The following AP3B1 variants were observed in gnomAD, a reference collection of about 807,000 sequenced individuals.
The protein encoded by AP3B1 is AP-3 complex subunit beta-1.
In AP3B1, 61 loss-of-function variants were observed where a neutral mutation model predicts 132.5. That is an observed-to-expected ratio of 0.46 (90% confidence interval 0.37 to 0.57). AP3B1 has a LOEUF of 0.57. Ranked by LOEUF, AP3B1 falls within the 20% of genes least tolerant of loss-of-function variation. The pLI is 0.00. For synonymous variants in AP3B1, 388 were observed against 438.3 expected, an observed-to-expected ratio of 0.89 and a Z score of 1.43; for missense variants, 1,120 against 1,289.4, an observed-to-expected ratio of 0.87 and a Z score of 2.01.
chr5:78,286,077 T>C (rs1222016633), intron 1 of AP3B1, among the ~76,000 whole-genome samples: 1 of 152,202 alleles, frequency 6.6e-6, no homozygotes, highest in Non-Finnish European at 1.5e-5. Context: ...TACAAGGCCC[T>C]ACACAATCAG....
chr5:78,027,742 T>C (rs1322758733), intron 24 of AP3B1, among the ~76,000 whole-genome samples: 1 of 152,234 alleles, frequency 6.6e-6, no homozygotes, highest in Non-Finnish European at 1.5e-5. Flanking sequence ...CCAGGTTTTT[T>C]TCTCTCTACA....
At chr5:78,037,620 G>C (rs1042814142) in intron 23 of AP3B1, among the ~76,000 whole-genome samples, 4 of 152,092 alleles carry the variant, frequency 2.6e-5, no homozygotes, top group African/African-American at 7.2e-5. Flanking sequence ...AACCAGAGGA[G>C]AAAATTCAGC....
At chr5:78,193,742 T>TATATATATATATATATATA (rs1561469413) in intron 7 of AP3B1, among the ~76,000 whole-genome samples, 5 of 90,800 alleles carry the variant, frequency 5.5e-5, no homozygotes, top group Admixed American at 1.3e-4. Context: ...GTATATATTT[T>TATATATATATATATATATA]TTTATATATA....
chr5:78,089,292 T>C lies in AP3B1; in HGVS notation c.2577+101A>G, dbSNP rs191953827. 1,730 of 864,398 alleles carry C rather than the reference T, an allele frequency of 2.0e-3. 2 individuals are homozygous for C. The highest frequency in any genetic ancestry group is 2.6e-3 in the Non-Finnish European group (1,386 of 528,442). 53.5% of individuals were successfully genotyped at this position (864,398 alleles called of 1,614,324 possible). ...TTGGGCTTGTTCTTAGAGAAGAATC[T>C]GTTCAAAACTAAGAATCCACTTCAA... is the stretch of plus-strand genomic sequence containing the variant. On this transcript the variant is annotated intron_variant, in intron 22 of 26. Coordinates refer to ENST00000255194, the MANE Select transcript of AP3B1 (RefSeq NM_003664.5).
At chr5:78,139,487 G>A (rs2112323365) in intron 15 of AP3B1, among the ~76,000 whole-genome samples, 1 of 152,246 alleles carries the variant, frequency 6.6e-6, no homozygotes, top group South Asian at 2.1e-4. Flanking sequence ...AGGATTAACT[G>A]ATTCCTTTTA....
In AP3B1 at chr5:78,002,990, G is replaced by C. The variant is rs764100439; in HGVS notation, c.3197C>G (p.Ser1066Cys). 1.9e-6 allele frequency: 3 copies of C among 1,614,054 alleles called. No individual in the cohort carries two copies. Among genetic ancestry groups the C allele is most frequent in the African/African-American group, 1.3e-5 (1 of 74,920 alleles). ...AGTGTTTATGATAAGCTGGGCTGTAGAGCCTTCCTTCAGTTCCACTGTGAC... is the reference window on the plus strand; with the variant it reads ...AGTGTTTATGATAAGCTGGGCTGTACAGCCTTCCTTCAGTTCCACTGTGAC... ...MLVTVELKEG[S>C]TAQLIINTEK... is the part of the protein sequence containing the mutation. Residue 1066 changes from serine (S) to cysteine (C), a missense_variant, in exon 27 of 27, where the codon TCT becomes TGT. Physicochemically the swap from Ser to Cys is moderately radical, Grantham distance 112 (BLOSUM62 -1). Around this residue, in one of 3 missense-constraint regions of AP3B1, gnomAD observed 906 missense variants for 997.1 expected, o/e 0.91. Coordinates refer to ENST00000255194, the MANE Select transcript of AP3B1 (RefSeq NM_003664.5).
At chr5:78,207,753 CT>C (rs1312072051) in intron 7 of AP3B1, among the ~76,000 whole-genome samples, 12 of 152,122 alleles carry the variant, frequency 7.9e-5, no homozygotes, top group African/African-American at 2.9e-4. Context: ...AAATCTTTGG[CT>C]ATCTTCAGAT....
At chr5:78,036,150 T>C (rs1292759061) in intron 23 of AP3B1, among the ~76,000 whole-genome samples, 3 of 152,128 alleles carry the variant, frequency 2.0e-5, no homozygotes, top group African/African-American at 7.2e-5. Flanking sequence ...TTTGATACTG[T>C]CTTCAGTCTT....
intron 26 of AP3B1, among the ~76,000 whole-genome samples, chr5:78,004,870 AAC>A (rs1561347789): frequency 6.6e-6 from 1 of 152,250 alleles, no homozygotes; most frequent in Non-Finnish European, 1.5e-5. Flanking sequence ...TAAACCTCTT[AAC>A]ACACACATCC....
intron 11 of AP3B1, among the ~76,000 whole-genome samples, chr5:78,168,136 T>C (rs745787545): frequency 6.6e-6 from 1 of 152,000 alleles, no homozygotes; most frequent in Admixed American, 6.6e-5. Flanking sequence ...CAGACACATG[T>C]ATTAGAAATA....
chr5:78,034,261 G>A, intron 24 of AP3B1, 100 bp downstream of exon 24: 2 of 893,126 alleles, frequency 2.2e-6, no homozygotes, highest in Non-Finnish European at 3.7e-6. Flanking sequence ...TTGTTTAAAT[G>A]TTTTGTCTTT....
intron 17 of AP3B1, among the ~76,000 whole-genome samples, chr5:78,118,272 G>C (rs1391507467): frequency 2.6e-5 from 4 of 152,184 alleles, no homozygotes; most frequent in Non-Finnish European, 5.9e-5. Flanking sequence ...GCAGAAGACG[G>C]GTGATTTCTG....
At position 78,039,285 on chromosome 5, in the gene AP3B1, C is replaced by T. The variant is rs749958172; in HGVS notation, c.2578-11G>A. 8.8e-6 allele frequency: 14 copies of T among 1,597,242 alleles called. No homozygotes were observed. Among genetic ancestry groups the T allele is most frequent in the Admixed American group, 1.7e-5 (1 of 59,876 alleles). On this transcript the variant is annotated splice_polypyrimidine_tract_variant and intron_variant, in intron 22 of 26. Transcript: ENST00000255194. ...TGCAGGAGTACTGACCTATTACACA[C>T]GGCAAAAAGAAAAAAAGATGAGTTA...
intron 3 of AP3B1, among the ~76,000 whole-genome samples, chr5:78,228,801 T>C (rs1746506640): frequency 6.6e-6 from 1 of 152,252 alleles, no homozygotes; most frequent in African/African-American, 2.4e-5. Flanking sequence ...ATTTTTATGG[T>C]AATACTCACA....
intron 1 of AP3B1, among the ~76,000 whole-genome samples, chr5:78,272,650 A>G (rs979585103): frequency 1.3e-5 from 2 of 152,236 alleles, no homozygotes; most frequent in African/African-American, 4.8e-5. Context: ...GGGGAAAAAA[A>G]CAGAGGAAAA....
chr5:78,025,986 T>A (rs1747326039), intron 24 of AP3B1, among the ~76,000 whole-genome samples: 1 of 152,234 alleles, frequency 6.6e-6, no homozygotes, highest in Non-Finnish European at 1.5e-5. Context: ...TACATGAGTG[T>A]TCTAGGATGT....
chr5:78,193,770 A>ATATATATTTTTTTT, intron 7 of AP3B1, among the ~76,000 whole-genome samples: 17 of 67,206 alleles, frequency 2.5e-4, no homozygotes, highest in Admixed American at 5.3e-4. Flanking sequence ...ATATATATAT[A>ATATATATTTTTTTT]TTTTTTTTTT....
intron 17 of AP3B1, among the ~76,000 whole-genome samples, chr5:78,126,651 T>C (rs765719500): frequency 6.6e-6 from 1 of 152,034 alleles, no homozygotes; most frequent in Non-Finnish European, 1.5e-5. Flanking sequence ...TATTTTTACA[T>C]ATTACTACTG....
chr5:78,019,195 A>G (rs999135830), intron 25 of AP3B1, among the ~76,000 whole-genome samples: 2 of 152,182 alleles, frequency 1.3e-5, no homozygotes, highest in African/African-American at 4.8e-5. Flanking sequence ...AATTTTGGCA[A>G]CAACTCCACA....
Sources: allele counts gnomAD v4.1 joint callset (sites outside exome capture counted in the v4.1 genomes callset), GRCh38; gene constraint gnomAD v4.1.1; regional missense constraint gnomAD v4.1.1; transcripts MANE v1.5; gene names NCBI Gene and HGNC (gene_info 2026-07-23, HGNC 2026-07-21).